AKAP13: variants seen among roughly 807,000 people sequenced by gnomAD.
The protein encoded by AKAP13 is A-kinase anchor protein 13.
Under a neutral mutation model 264.5 loss-of-function variants are expected in AKAP13, and 80 were observed. The observed-to-expected ratio is 0.30, with a 90% CI of 0.25 to 0.36. The LOEUF is 0.36. Ranked by LOEUF, AKAP13 falls within the 10% of genes least tolerant of loss-of-function variation. The pLI, the probability that AKAP13 is intolerant of heterozygous loss-of-function variation, is 1.00. For missense variants in AKAP13, 3,712 were observed against 3,435.2 expected (o/e 1.08, Z -2.01); for synonymous variants, 1,380 against 1,250.2 (o/e 1.10, Z -2.19).
intron 12 of AKAP13, chr15:85,662,266 T>G (rs1290705808): frequency 1.1e-6 from 1 of 902,820 alleles, no homozygotes; most frequent in Non-Finnish European, 1.8e-6. Context: ...TCCTAAATTT[T>G]TTGTTGATCG....
intron 29 of AKAP13, among the ~76,000 whole-genome samples, chr15:85,728,381 C>T (rs1240608769): frequency 1.3e-5 from 2 of 152,132 alleles, no homozygotes; most frequent in Non-Finnish European, 2.9e-5. Context: ...TAGACCAGAG[C>T]CAGAGTTATA....
intron 19 of AKAP13, among the ~76,000 whole-genome samples, chr15:85,715,285 A>T (rs1174345726): frequency 1.3e-5 from 2 of 152,116 alleles, no homozygotes; most frequent in African/African-American, 4.8e-5. Flanking sequence ...GTGGCATTGT[A>T]TTCTGCTGTG....
intron 1 of AKAP13, among the ~76,000 whole-genome samples, chr15:85,398,716 C>T (rs190607494): frequency 7.2e-5 from 11 of 152,024 alleles, no homozygotes; most frequent in Non-Finnish European, 8.8e-5. Flanking sequence ...CCACCACGCC[C>T]GGCTAATTTT....
chr15:85,687,998 C>T (rs1597064088), intron 16 of AKAP13, among the ~76,000 whole-genome samples: 2 of 148,186 alleles, frequency 1.3e-5, no homozygotes, highest in East Asian at 3.9e-4. Flanking sequence ...TGTGTGCACT[C>T]CAGCCTGGGC....
chr15:85,723,573 A>T (rs1402313398), intron 26 of AKAP13, among the ~76,000 whole-genome samples: 1 of 152,034 alleles, frequency 6.6e-6, no homozygotes, highest in Non-Finnish European at 1.5e-5. Context: ...ATAAGGTTTT[A>T]AAAAAACAAA....
chr15:85,472,253 T>C (rs1407502744), intron 1 of AKAP13, among the ~76,000 whole-genome samples: 1 of 150,708 alleles, frequency 6.6e-6, no homozygotes, highest in Non-Finnish European at 1.5e-5. Flanking sequence ...CCACCTGTAG[T>C]CCCAAGTACT....
chr15:85,633,302 T>C (rs2151455000), intron 8 of AKAP13, among the ~76,000 whole-genome samples: 1 of 152,034 alleles, frequency 6.6e-6, no homozygotes, highest in South Asian at 2.1e-4. Context: ...TGAGCTCTTT[T>C]ATTTCTGTAA....
In AKAP13 at chr15:85,719,177, G is replaced by A. The variant is rs2151721236; in HGVS notation, c.6103G>A (p.Val2035Ile). The A allele has an allele frequency of 6.2e-7, 1 of 1,614,218 alleles. No individual in the cohort carries two copies. The highest frequency in any genetic ancestry group is 8.5e-7 in the Non-Finnish European group (1 of 1,180,040). The change falls in exon 23 of 37, where the codon GTA becomes ATA. Residue 2035 changes from valine (V) to isoleucine (I), a missense_variant. Physicochemically the swap from Val to Ile is conservative, Grantham distance 29. Coordinates refer to ENST00000394518, the MANE Select transcript of AKAP13 (RefSeq NM_007200.5). Reference sequence around the variant, plus strand: ...GGATCTGCTTTTTGAGCAGCAGATGGTAGAAAAGCTGTTCCCCTGTTTGGA... The same window carrying A: ...GGATCTGCTTTTTGAGCAGCAGATGATAGAAAAGCTGTTCCCCTGTTTGGA... ...MADLLFEQQM[V>I]EKLFPCLDEL...
intron 14 of AKAP13, among the ~76,000 whole-genome samples, chr15:85,677,905 C>T (rs2084342132): frequency 6.6e-6 from 1 of 152,258 alleles, no homozygotes; most frequent in African/African-American, 2.4e-5. Context: ...GCCTCGGCCT[C>T]CCAAAGTACT....
At chr15:85,588,523 T>A (rs1365363061) in intron 8 of AKAP13, among the ~76,000 whole-genome samples, 1 of 152,244 alleles carries the variant, frequency 6.6e-6, no homozygotes, top group Non-Finnish European at 1.5e-5. Flanking sequence ...GAATCCAGGC[T>A]GGTACTTGGC....
chr15:85,703,498 C>T (rs558353678), intron 17 of AKAP13, among the ~76,000 whole-genome samples: 1 of 152,256 alleles, frequency 6.6e-6, no homozygotes, highest in East Asian at 1.9e-4. Flanking sequence ...ATGCCTTTTG[C>T]ATATAAGCAC....
At chr15:85,411,171 T>A (rs1280282516) in intron 1 of AKAP13, among the ~76,000 whole-genome samples, 1 of 152,236 alleles carries the variant, frequency 6.6e-6, no homozygotes, top group Non-Finnish European at 1.5e-5. Flanking sequence ...TGCCGATGCC[T>A]TAGAATCAAT....
At chr15:85,630,166 TACACACACACACACAC>T (rs59852934) in intron 8 of AKAP13, among the ~76,000 whole-genome samples, 46 of 100,186 alleles carry the variant, frequency 4.6e-4, no homozygotes, top group South Asian at 3.5e-3. Flanking sequence ...TTTTAACACA[TACACACACACACACAC>T]ACACACACAC....
chr15:85,389,989 C>G (rs1245794501), intron 1 of AKAP13: 2 of 152,206 alleles, frequency 1.3e-5, no homozygotes, highest in African/African-American at 2.4e-5. Flanking sequence ...AGAGTGCTGG[C>G]TCTTTCAGGT....
chr15:85,730,997 C>CTTTTTTTTTTTTTT (rs71468134), intron 30 of AKAP13, among the ~76,000 whole-genome samples: 1 of 57,382 alleles, frequency 1.7e-5, no homozygotes, highest in Non-Finnish European at 2.9e-5. Flanking sequence ...GTCACTTATG[C>CTTTTTTTTTTTTTT]TTTTTTTTTT....
In AKAP13 at chr15:85,717,321, T is replaced by C. The variant is rs2087008613; in HGVS notation, c.5767T>C (p.Trp1923Arg). 2 of 1,612,392 alleles carry C rather than the reference T, an allele frequency of 1.2e-6. No homozygotes were observed. The highest frequency in any genetic ancestry group is 1.1e-5 in the South Asian group (1 of 90,594). ...VGNDENMSNTWKFLSHSTDSL... is the reference protein window; with the variant it reads ...VGNDENMSNTRKFLSHSTDSL... The stretch of plus-strand genomic sequence containing the variant: ...CAATGATGAGAACATGTCAAACACC[T>C]GGAAATTCCTGTCTCATTCAACAGA... The change falls in exon 21 of 37, where the codon TGG becomes CGG. Residue 1923 changes from tryptophan to arginine, a missense_variant. Physicochemically the swap from Trp to Arg is moderately radical, Grantham distance 101. Coordinates refer to ENST00000394518, the MANE Select transcript of AKAP13 (RefSeq NM_007200.5).
chr15:85,674,421 A>G (rs2084102195), intron 14 of AKAP13, among the ~76,000 whole-genome samples: 1 of 152,222 alleles, frequency 6.6e-6, no homozygotes, highest in Non-Finnish European at 1.5e-5. Context: ...GTCTCATCAT[A>G]TATATGCAAA....
intron 30 of AKAP13, among the ~76,000 whole-genome samples, chr15:85,731,157 C>T (rs1474498919): frequency 6.6e-6 from 1 of 151,874 alleles, no homozygotes; most frequent in Non-Finnish European, 1.5e-5. Context: ...AGATGTGCAC[C>T]ACCACACCCA....
At chr15:85,662,512 G>C in intron 12 of AKAP13, 1 of 1,603,656 alleles carries the variant, frequency 6.2e-7, no homozygotes, top group Non-Finnish European at 8.5e-7. Context: ...CGCCATCAGG[G>C]CTTTTGGCTT....
Sources: allele counts gnomAD v4.1 joint callset (sites outside exome capture counted in the v4.1 genomes callset), GRCh38; gene constraint gnomAD v4.1.1; transcripts MANE v1.5; gene names NCBI Gene and HGNC (gene_info 2026-07-23, HGNC 2026-07-21).